NELL1: variants seen among roughly 807,000 people sequenced by gnomAD.
NELL1 encodes neural EGFL like 1.
In NELL1, 76 loss-of-function variants were observed where a neutral mutation model predicts 107.4. The ratio of observed to expected loss-of-function variants is 0.71; its 90% CI spans 0.59 to 0.86. NELL1 has a LOEUF of 0.86. Among genes scored for constraint, NELL1 ranks in the 40% least tolerant of loss-of-function variants. The probability of loss-of-function intolerance (pLI) is 0.00; values close to 1 mark genes in which losing one functional copy is unlikely to be tolerated. For synonymous variants in NELL1, 353 were observed against 341.2 expected (o/e 1.03, Z -0.38); for missense variants, 1,024 against 1,005.5 (o/e 1.02, Z -0.25).
chr11:21,230,284 G>A (rs892147949), intron 14 of NELL1, among the ~76,000 whole-genome samples: 6 of 152,076 alleles, frequency 3.9e-5, no homozygotes, highest in African/African-American at 9.7e-5. Flanking sequence ...TAAGCTCCAT[G>A]ACAGTGAACA....
chr11:20,767,031 A>C (rs1290014245), intron 2 of NELL1, among the ~76,000 whole-genome samples: 2 of 152,206 alleles, frequency 1.3e-5, no homozygotes, highest in Non-Finnish European at 2.9e-5. Context: ...GGTGTGAGCC[A>C]CTGGGCACGG....
At chr11:21,286,977 G>A (rs917681329) in intron 14 of NELL1, among the ~76,000 whole-genome samples, 7 of 152,142 alleles carry the variant, frequency 4.6e-5, no homozygotes, top group South Asian at 2.1e-4. Context: ...TTGGAAAGAC[G>A]GAGAAAATTC....
At chr11:21,341,084 C>A in intron 14 of NELL1, among the ~76,000 whole-genome samples, 1 of 152,212 alleles carries the variant, frequency 6.6e-6, no homozygotes, top group South Asian at 2.1e-4. Flanking sequence ...GCCTTTATTC[C>A]TATTTAAAAA....
At chr11:21,196,536 C>T (rs1463660754) in intron 13 of NELL1, among the ~76,000 whole-genome samples, 1 of 152,068 alleles carries the variant, frequency 6.6e-6, no homozygotes, top group African/African-American at 2.4e-5. Context: ...TGGTTTATTT[C>T]TGCATTTCAT....
chr11:21,170,498 A>T (rs1049521885), intron 13 of NELL1, among the ~76,000 whole-genome samples: 6 of 151,800 alleles, frequency 4.0e-5, no homozygotes, highest in Non-Finnish European at 4.4e-5. Context: ...TCCTCCAAAA[A>T]AATTTAAGCA....
At chr11:21,051,609 A>G (rs1853494461) in intron 12 of NELL1, among the ~76,000 whole-genome samples, 2 of 152,186 alleles carry the variant, frequency 1.3e-5, no homozygotes, top group African/African-American at 2.4e-5. Context: ...TGTTATTAGC[A>G]TCCGTGTAAC....
chr11:21,443,520 T>TA (rs1233653546), intron 15 of NELL1, among the ~76,000 whole-genome samples: 2 of 111,168 alleles, frequency 1.8e-5, no homozygotes, highest in African/African-American at 9.7e-5. Context: ...TCCATAAAAT[T>TA]GAGGCTACTT....
intron 2 of NELL1, among the ~76,000 whole-genome samples, chr11:20,779,069 C>T (rs1335145067): frequency 6.6e-6 from 1 of 152,124 alleles, no homozygotes; most frequent in Non-Finnish European, 1.5e-5. Context: ...TTTCCAGAGC[C>T]CACATGCTTC....
chr11:21,574,832 G>A (rs544052408), intron 19 of NELL1, 140 bp from the exon 20 acceptor site: 4 of 667,284 alleles, frequency 6.0e-6, no homozygotes, highest in African/African-American at 5.5e-5. Context: ...TTTTTTCCTA[G>A]CATTTTTTTC....
chr11:21,387,818 C>A (rs1851781855), intron 15 of NELL1, among the ~76,000 whole-genome samples: 3 of 151,808 alleles, frequency 2.0e-5, no homozygotes, highest in South Asian at 2.1e-4. Context: ...TTAATACACT[C>A]TTCCTTGTAA....
intron 12 of NELL1, among the ~76,000 whole-genome samples, chr11:21,082,290 G>A (rs1341752463): frequency 6.6e-6 from 1 of 151,988 alleles, no homozygotes; most frequent in African/African-American, 2.4e-5. Context: ...TGCACTACAG[G>A]AAAAAATCAT....
chr11:21,486,561 C>T (rs745499352), intron 15 of NELL1, among the ~76,000 whole-genome samples: 1 of 152,004 alleles, frequency 6.6e-6, no homozygotes, highest in Non-Finnish European at 1.5e-5. Context: ...AAACCAAAAA[C>T]ATGGAAAAGA....
chr11:20,785,295 G>A (rs1283938403), intron 3 of NELL1, among the ~76,000 whole-genome samples: 1 of 152,212 alleles, frequency 6.6e-6, no homozygotes, highest in Non-Finnish European at 1.5e-5. Context: ...CATTTTGTGG[G>A]GGTGTTGTCA....
intron 3 of NELL1, 22 bp from the exon 4 acceptor site, chr11:20,847,561 A>T: frequency 6.2e-7 from 1 of 1,604,312 alleles, no homozygotes; most frequent in Non-Finnish European, 8.5e-7. Context: ...AATAAAACAA[A>T]TGTTTGTTCC....
chr11:21,391,691 C>T lies in NELL1; in HGVS notation c.1645+20743C>T, dbSNP rs552253118. On this transcript the variant is annotated intron_variant, in intron 15 of 19. Coordinates refer to ENST00000357134, the MANE Select transcript of NELL1 (RefSeq NM_006157.5). ...GAGACAGGGTCTCACCCTACCCAGT[C>T]TGGAGTGCGGTAATGCAGTAATGGC... is the stretch of plus-strand genomic sequence containing the variant. Among the ~76,000 whole-genome samples, 12 of 151,900 alleles carry T rather than the reference C, an allele frequency of 7.9e-5. 1 individual carries two copies. In the South Asian group the frequency reaches 2.1e-3, roughly 26 times the overall value.
intron 15 of NELL1, among the ~76,000 whole-genome samples, chr11:21,404,078 C>T (rs973282584): frequency 7.1e-6 from 1 of 140,740 alleles, no homozygotes; most frequent in African/African-American, 2.6e-5. Context: ...AATTCAATCT[C>T]ATTGTTGAAC....
chr11:21,354,417 A>G (rs1014180417), intron 14 of NELL1, among the ~76,000 whole-genome samples: 5 of 151,716 alleles, frequency 3.3e-5, no homozygotes, highest in African/African-American at 9.7e-5. Context: ...GGTTTCTCTC[A>G]TTGGGTGAAA....
At chr11:21,467,835 G>A (rs1010707090) in intron 15 of NELL1, among the ~76,000 whole-genome samples, 1 of 152,000 alleles carries the variant, frequency 6.6e-6, no homozygotes, top group Non-Finnish European at 1.5e-5. Context: ...TCCTGAATTT[G>A]TGGGTGATGA....
chr11:20,954,851 T>G (rs1408439718), intron 11 of NELL1, among the ~76,000 whole-genome samples: 1 of 152,198 alleles, frequency 6.6e-6, no homozygotes, highest in Admixed American at 6.5e-5. Context: ...GGTACATGCT[T>G]AATAGAAACA....
Sources: gnomAD v4.1 joint callset for allele counts (sites outside exome capture counted in the v4.1 genomes callset) on GRCh38, gnomAD v4.1.1 for gene constraint, MANE v1.5 for transcripts, NCBI Gene and HGNC (gene_info 2026-07-23, HGNC 2026-07-21) for gene names.